SLC18A1: variants seen among roughly 807,000 people sequenced by gnomAD.
The protein encoded by SLC18A1 is solute carrier family 18 member A1.
SLC18A1 carries 69 observed loss-of-function variants against 53.7 expected under a neutral mutation model. That is an observed-to-expected ratio of 1.28 (90% confidence interval 1.06 to 1.57). SLC18A1 has a LOEUF of 1.57. Among genes scored for constraint, SLC18A1 ranks in the 40% most tolerant of loss-of-function variants. The pLI is 0.00. For missense variants in SLC18A1, 932 were observed against 668.1 expected (o/e 1.40, Z -4.35); for synonymous variants, 320 against 248.1 (o/e 1.29, Z -2.72).
intron 12 of SLC18A1, among the ~76,000 whole-genome samples, 187 bp from the exon 13 acceptor site, chr8:20,148,257 G>T (rs540709548): frequency 1.2e-4 from 19 of 152,304 alleles, no homozygotes; most frequent in African/African-American, 4.1e-4. Flanking sequence ...ATGAAAACTT[G>T]ACCAGCGCTG....
In SLC18A1 at chr8:20,180,830, C is replaced by A; in HGVS notation, c.124+11G>T. On this transcript the variant is annotated intron_variant, in intron 2 of 15. Transcript: ENST00000276373. ...CAAATTAACCCTCAGCACAAAGACCCACAAACGTACCCACCACAGTAAACA... is the reference window on the plus strand; with the variant it reads ...CAAATTAACCCTCAGCACAAAGACCAACAAACGTACCCACCACAGTAAACA... 6.2e-7 allele frequency: 1 copy of A among 1,613,682 alleles called. No homozygotes were observed. Among genetic ancestry groups the A allele is most frequent in the Non-Finnish European group, 8.5e-7 (1 of 1,179,740 alleles).
In SLC18A1 at chr8:20,179,131, G is replaced by C; in HGVS notation, c.478C>G (p.Leu160Val). 1 of 1,611,048 alleles carries C rather than the reference G, an allele frequency of 6.2e-7. No homozygotes were observed. The highest frequency in any genetic ancestry group is 2.2e-5 in the East Asian group (1 of 44,826). The change falls in exon 3 of 16, where the codon CTC (leucine) becomes GTC (valine). Residue 160 changes from leucine to valine, a missense_variant. Transcript: ENST00000276373. Reference protein sequence around the residue: ...QLLVNPFVGPLTNRIGYHIPM... With the variant: ...QLLVNPFVGPVTNRIGYHIPM... ...CACCCAGTGAGATACCTGTTGGTGA[G>C]AGGGCCCACGAATGGGTTGACCAGA...
At chr8:20,147,441 A>T (rs749088434) in intron 14 of SLC18A1, 50 bp from the exon 15 acceptor site, 2 of 1,584,856 alleles carry the variant, frequency 1.3e-6, no homozygotes, top group South Asian at 2.3e-5. Flanking sequence ...CTCCATATGG[A>T]GCATCCTCCA....
At chr8:20,168,037 T>C (rs1320230880) in intron 8 of SLC18A1, among the ~76,000 whole-genome samples, 1 of 152,042 alleles carries the variant, frequency 6.6e-6, no homozygotes, top group Non-Finnish European at 1.5e-5. Flanking sequence ...TATTTTTGTA[T>C]CGAAAAGTAA....
At chr8:20,161,070 AC>A (rs2071818572) in intron 10 of SLC18A1, among the ~76,000 whole-genome samples, 1 of 152,070 alleles carries the variant, frequency 6.6e-6, no homozygotes, top group Non-Finnish European at 1.5e-5. Flanking sequence ...ATAGCATTCT[AC>A]CCCCGGCCTC....
chr8:20,182,224 G>GA (rs2072447603), intron 1 of SLC18A1, among the ~76,000 whole-genome samples: 1 of 151,948 alleles, frequency 6.6e-6, no homozygotes, highest in African/African-American at 2.4e-5. Flanking sequence ...TCCTACAAAA[G>GA]AAAAAAGGTC....
At position 20,148,038 on chromosome 8, in the gene SLC18A1, A is replaced by G. The variant is rs1319800396; in HGVS notation, c.1179T>C (p.Ile393=). The part of the protein sequence containing the change: ...VPLAHNIFGL[I]GPNAGLGLAI... ...CAAGGCCAAGCCCTGCATTGGGGCC[A>G]ATGAGACCAAAAATATTGTGAGCCA... is the stretch of plus-strand genomic sequence containing the variant. The change falls in exon 13 of 16, where the codon ATT becomes ATC. Residue 393 remains isoleucine (I), a synonymous_variant. Coordinates refer to ENST00000276373, the MANE Select transcript of SLC18A1 (RefSeq NM_003053.4). The G allele has an allele frequency of 6.2e-7, 1 of 1,614,136 alleles. No individual in the cohort carries two copies.
intron 12 of SLC18A1, 95 bp downstream of exon 12, chr8:20,149,581 T>C (rs2071493239): frequency 1.0e-6 from 1 of 1,001,120 alleles, no homozygotes; most frequent in Non-Finnish European, 1.5e-6. Flanking sequence ...TTTCTCTCTC[T>C]CTCTCTCCCT....
chr8:20,159,362 G>C (rs538046625), intron 10 of SLC18A1, among the ~76,000 whole-genome samples: 8 of 152,174 alleles, frequency 5.3e-5, no homozygotes, highest in Middle Eastern at 3.4e-3. Context: ...AGCCTAGCTG[G>C]GGAAGGTGAC....
intron 8 of SLC18A1, among the ~76,000 whole-genome samples, chr8:20,170,140 C>G (rs1389949406): frequency 6.6e-6 from 1 of 152,062 alleles, no homozygotes; most frequent in Non-Finnish European, 1.5e-5. Flanking sequence ...TCTCCAGGAC[C>G]CAGACATCCT....
chr8:20,155,878 G>A (rs2071670244), intron 10 of SLC18A1, among the ~76,000 whole-genome samples: 1 of 152,174 alleles, frequency 6.6e-6, no homozygotes, highest in African/African-American at 2.4e-5. Context: ...CTCAACATGG[G>A]CAGTTATGTG....
chr8:20,161,404 A>T (rs1679569864), intron 10 of SLC18A1, among the ~76,000 whole-genome samples: 1 of 152,250 alleles, frequency 6.6e-6, no homozygotes, highest in African/African-American at 2.4e-5. Context: ...AAAGAAAATA[A>T]TACAGTATAA....
In SLC18A1 at chr8:20,172,631, C is replaced by T. The variant is rs1055372959; in HGVS notation, c.724+405G>A. 1.1e-4 allele frequency among the ~76,000 whole-genome samples: 16 copies of T among 152,116 alleles called. 1 individual carries two copies. Among genetic ancestry groups the T allele is most frequent in the South Asian group, 6.2e-4 (3 of 4,824 alleles). The stretch of plus-strand genomic sequence containing the variant: ...GCTGTGTGATGTTGGATGGTGTTTT[C>T]GCCATTCTTATTTTCATCTCTATAA... On this transcript the variant is annotated intron_variant, in intron 6 of 15. Transcript: ENST00000276373.
At chr8:20,158,669 A>G (rs889282989) in intron 10 of SLC18A1, among the ~76,000 whole-genome samples, 1 of 152,180 alleles carries the variant, frequency 6.6e-6, no homozygotes, top group African/African-American at 2.4e-5. Flanking sequence ...CTCCAATTTT[A>G]GGAGTCCAGA....
chr8:20,169,736 G>T (rs2072062551), intron 8 of SLC18A1, among the ~76,000 whole-genome samples: 1 of 152,034 alleles, frequency 6.6e-6, no homozygotes, highest in Admixed American at 6.6e-5. Context: ...AAAATTAGCT[G>T]GGCATGGTGG....
intron 10 of SLC18A1, among the ~76,000 whole-genome samples, chr8:20,154,450 G>A (rs922617747): frequency 4.6e-5 from 7 of 152,128 alleles, no homozygotes; most frequent in Non-Finnish European, 8.8e-5. Context: ...ACAAGGGTTC[G>A]GTGGTGTAAT....
At chr8:20,148,328 G>T (rs1263949536) in intron 12 of SLC18A1, 7 of 649,778 alleles carry the variant, frequency 1.1e-5, no homozygotes, top group Non-Finnish European at 1.7e-5. Flanking sequence ...GATCAAGTTT[G>T]GACCTCAGAC....
At chr8:20,152,736 A>G (rs1474495135) in intron 10 of SLC18A1, among the ~76,000 whole-genome samples, 1 of 152,222 alleles carries the variant, frequency 6.6e-6, no homozygotes, top group Admixed American at 6.5e-5. Context: ...TAGAGATCCA[A>G]GGACTGAGCC....
rs2071814641 is a variant in SLC18A1 at position 20,160,908 on chromosome 8, TC to T, written c.1015+3960del. Among the ~76,000 whole-genome samples the T allele has an allele frequency of 4.0e-5, 6 of 151,732 alleles. No individual in the cohort carries two copies. The South Asian group carries it at 1.2e-3, about 32-fold the overall frequency. On this transcript the variant is annotated intron_variant, in intron 10 of 15. Coordinates refer to ENST00000276373, the MANE Select transcript of SLC18A1 (RefSeq NM_003053.4). ...GAGAGAAAAGAAAAAGGGGCCAAACTCCCCCCTTTTGTGACTAACCCACTCC... is the reference window on the plus strand; with the variant it reads ...GAGAGAAAAGAAAAAGGGGCCAAACTCCCCCTTTTGTGACTAACCCACTCC...
Sources: gnomAD v4.1 joint callset for allele counts (sites outside exome capture counted in the v4.1 genomes callset) on GRCh38, gnomAD v4.1.1 for gene constraint, MANE v1.5 for transcripts, NCBI Gene and HGNC (gene_info 2026-07-23, HGNC 2026-07-21) for gene names.